C10orf90: variants seen among roughly 807,000 people sequenced by gnomAD.
C10orf90 encodes the protein chromosome 10 open reading frame 90.
C10orf90 carries 56 observed loss-of-function variants against 62.5 expected under a neutral mutation model. That is an observed-to-expected ratio of 0.90 (90% CI 0.72 to 1.12). The LOEUF is 1.12. C10orf90 is among the 50% of genes most tolerant of loss of function. The pLI is 0.00. For synonymous variants in C10orf90, 386 were observed against 340.4 expected (o/e 1.13, Z -1.47); for missense variants, 970 against 880.4 (o/e 1.10, Z -1.29).
chr10:126,610,825 G>C (rs1591142326), intron 2 of C10orf90, among the ~76,000 whole-genome samples: 1 of 152,122 alleles, frequency 6.6e-6, no homozygotes, highest in East Asian at 1.9e-4. Flanking sequence ...AGTTAGCAGA[G>C]AGGAGAGCTC....
intron 8 of C10orf90, among the ~76,000 whole-genome samples, 160 bp downstream of exon 8, chr10:126,429,627 C>G (rs557206363): frequency 1.3e-5 from 2 of 152,314 alleles, no homozygotes; most frequent in African/African-American, 4.8e-5. Context: ...ATTTCAACTA[C>G]CGTACTTATT....
chr10:126,517,152 G>A (rs1376644949), intron 2 of C10orf90, among the ~76,000 whole-genome samples: 3 of 152,178 alleles, frequency 2.0e-5, no homozygotes, highest in East Asian at 1.9e-4. Flanking sequence ...TTGGGGAGAT[G>A]GAGGTAGATG....
At chr10:126,629,026 ACTC>A (rs1243123781) in intron 2 of C10orf90, among the ~76,000 whole-genome samples, 1 of 152,028 alleles carries the variant, frequency 6.6e-6, no homozygotes, top group East Asian at 1.9e-4. Context: ...TCTTAATAGA[ACTC>A]CTTGTGACAC....
In C10orf90 at chr10:126,644,821, T is replaced by C. The variant is rs182430074; in HGVS notation, c.313+1744A>G. Among the ~76,000 whole-genome samples the C allele has an allele frequency of 2.6e-5, 4 of 152,316 alleles. No individual in the cohort carries two copies. The East Asian group carries it at 7.7e-4, about 29-fold the overall frequency. The stretch of plus-strand genomic sequence containing the variant: ...CTCTGAGGAAAACATGGCACTCTTC[T>C]CAGTGTCCCCAAACTCCCTGTGGGA... On this transcript the variant is annotated intron_variant, in intron 2 of 9. Coordinates refer to ENST00000488181, the MANE Select transcript of C10orf90 (RefSeq NM_001350921.2).
chr10:126,565,249 A>ATATTACATAATATGTAATATAATAT (rs1564874261), intron 2 of C10orf90, among the ~76,000 whole-genome samples: 2 of 27,394 alleles, frequency 7.3e-5, no homozygotes, highest in South Asian at 9.9e-4. Flanking sequence ...TATAATATTT[A>ATATTACATAATATGTAATATAATAT]TTATATTATA....
Position 126,464,929 on chromosome 10 carries a change from G to T in C10orf90, c.1592C>A (p.Thr531Asn), listed in dbSNP as rs1860195920. 6.2e-7 allele frequency: 1 copy of T among 1,606,812 alleles called. No homozygotes were observed. The highest frequency in any genetic ancestry group is 1.7e-5 in the Admixed American group (1 of 59,916). ...SKRQQGEVCM[T>N]VSAPPVEQKP... ...CTGTTCCACTGGAGGAGCAGACACA[G>T]TCATACATACTTCTCCTTGTTGCCT... The change falls in exon 5 of 10, where the codon ACT (threonine) becomes AAT (asparagine). Residue 531 changes from threonine to asparagine, a missense_variant. Transcript: ENST00000488181.
chr10:126,492,637 A>G (rs1861826951), intron 4 of C10orf90, among the ~76,000 whole-genome samples: 1 of 152,256 alleles, frequency 6.6e-6, no homozygotes, highest in Non-Finnish European at 1.5e-5. Flanking sequence ...GTGACCTACA[A>G]AAGATGAAAT....
chr10:126,577,105 C>G (rs1844643144), intron 2 of C10orf90, among the ~76,000 whole-genome samples: 1 of 151,664 alleles, frequency 6.6e-6, no homozygotes, highest in Non-Finnish European at 1.5e-5. Context: ...CTATAGTTAA[C>G]AGTAATATGT....
chr10:126,511,303 G>T (rs1374376458), intron 3 of C10orf90, among the ~76,000 whole-genome samples: 2 of 152,200 alleles, frequency 1.3e-5, no homozygotes, highest in Non-Finnish European at 2.9e-5. Context: ...TCACTGCAGT[G>T]TGATATAGAG....
intron 2 of C10orf90, among the ~76,000 whole-genome samples, chr10:126,633,237 T>C (rs1157588960): frequency 1.3e-5 from 2 of 152,202 alleles, no homozygotes; most frequent in African/African-American, 4.8e-5. Context: ...GGAATTTTGC[T>C]GATGGGCAAG....
chr10:126,563,242 G>GA lies in C10orf90; in HGVS notation c.314-49304_314-49303insT, dbSNP rs1864943229. Among the ~76,000 whole-genome samples the GA allele has an allele frequency of 2.0e-5, 3 of 152,258 alleles. No individual in the cohort carries two copies. In the South Asian group the frequency reaches 6.2e-4, roughly 32 times the overall value. The stretch of plus-strand genomic sequence containing the variant: ...TGCAGTAGCGTGGGGCTAAAGAGGG[G>GA]CCACTCGTCCACCGCACGCCTGCCA... On this transcript the variant is annotated intron_variant, in intron 2 of 9. Coordinates refer to ENST00000488181, the MANE Select transcript of C10orf90 (RefSeq NM_001350921.2).
At chr10:126,558,820 C>T (rs1302087559) in intron 2 of C10orf90, among the ~76,000 whole-genome samples, 1 of 152,376 alleles carries the variant, frequency 6.6e-6, no homozygotes, top group Non-Finnish European at 1.5e-5. Context: ...AGAGCAAGGG[C>T]TGTGCCTTGT....
chr10:126,508,342 T>A (rs1175765804), intron 3 of C10orf90, among the ~76,000 whole-genome samples: 2 of 125,912 alleles, frequency 1.6e-5, no homozygotes, highest in Non-Finnish European at 3.3e-5. Context: ...TGCATGGATA[T>A]GGTGGGAAAG....
intron 7 of C10orf90, among the ~76,000 whole-genome samples, chr10:126,458,539 A>C (rs1019211426): frequency 9.2e-5 from 14 of 152,220 alleles, no homozygotes; most frequent in Non-Finnish European, 1.6e-4. Context: ...TGAGTAAGTA[A>C]GTGCCCTCCC....
intron 3 of C10orf90, among the ~76,000 whole-genome samples, chr10:126,509,722 G>T (rs1169339875): frequency 6.6e-6 from 1 of 152,152 alleles, no homozygotes; most frequent in African/African-American, 2.4e-5. Context: ...TATTGAAAAG[G>T]AAACACTGGC....
chr10:126,495,131 C>T (rs776145923), intron 4 of C10orf90, among the ~76,000 whole-genome samples: 6 of 152,292 alleles, frequency 3.9e-5, no homozygotes, highest in Admixed American at 1.3e-4. Context: ...CATGTATAGA[C>T]GGTGCTCTGC....
At chr10:126,521,579 C>T (rs949661554) in intron 2 of C10orf90, 5 of 718,490 alleles carry the variant, frequency 7.0e-6, no homozygotes, top group South Asian at 6.6e-5. Context: ...TAGCAGCAAT[C>T]GTCTCTTTGA....
chr10:126,464,796 T>C lies in C10orf90; in HGVS notation c.1725A>G (p.Lys575=). The C allele has an allele frequency of 6.2e-7, 1 of 1,613,926 alleles. No homozygotes were observed. The highest frequency in any genetic ancestry group is 1.1e-5 in the South Asian group (1 of 91,050). Residue 575 remains lysine (K), a synonymous_variant, in exon 5 of 10, where the codon AAA becomes AAG. Transcript: ENST00000488181. ...PTERRHQSFL[K]PRILFPGFLC... ...GAAACCCAGGAAAAAGGATTCTGGG[T>C]TTCAGGAAGCTTTGATGTCGTCTCT...
At chr10:126,660,036 C>T (rs890664128) in intron 1 of C10orf90, among the ~76,000 whole-genome samples, 3 of 152,222 alleles carry the variant, frequency 2.0e-5, no homozygotes, top group South Asian at 2.1e-4. Flanking sequence ...CTCCAACCTA[C>T]GTGCTTTCAA....
Sources: allele counts gnomAD v4.1 joint callset (sites outside exome capture counted in the v4.1 genomes callset), GRCh38; gene constraint gnomAD v4.1.1; transcripts MANE v1.5; gene names NCBI Gene and HGNC (gene_info 2026-07-23, HGNC 2026-07-21).